KCNG4: variants seen among roughly 807,000 people sequenced by gnomAD.
The protein encoded by KCNG4 is potassium voltage-gated channel modifier subfamily G member 4.
A neutral mutation model predicts 28.2 loss-of-function variants in KCNG4; 30 were observed. The observed-to-expected ratio is 1.06, with a 90% CI of 0.80 to 1.44. The LOEUF is 1.44. Among genes scored for constraint, KCNG4 ranks in the 40% most tolerant of loss-of-function variants. The pLI, the probability that KCNG4 is intolerant of heterozygous loss-of-function variation, is 0.00. For missense variants in KCNG4, 879 were observed against 712.3 expected, an observed-to-expected ratio of 1.23 and a Z score of -2.66; for synonymous variants, 375 against 315.5, an observed-to-expected ratio of 1.19 and a Z score of -2.00.
chr16:84,222,443 A>G lies in KCNG4; in HGVS notation c.1334T>C (p.Ile445Thr). 1 of 1,614,092 alleles carries G rather than the reference A, an allele frequency of 6.2e-7. No homozygotes were observed. The highest frequency in any genetic ancestry group is 1.1e-5 in the South Asian group (1 of 91,076). Reference protein sequence around the residue: ...ALSSILSGILIMAFPATSIFH... With the variant: ...ALSSILSGILTMAFPATSIFH... ...GATAGACGTGGCCGGGAAGGCCATG[A>G]TGAGGATCCCGCTCAGGATGCTGCT... The change falls in exon 3 of 3, where the codon ATC becomes ACC. Residue 445 changes from isoleucine (I) to threonine (T), a missense_variant. Coordinates refer to ENST00000308251, the MANE Select transcript of KCNG4 (RefSeq NM_172347.3).
Position 84,228,169 on chromosome 16 carries a change from C to T in KCNG4, c.757-5149G>A, listed in dbSNP as rs147357127. Reference sequence around the variant, plus strand: ...TGCTGCCCTGGGGGCCCTGCAGATGCAATGCAGGCCAGTTCTGGAAGCTCC... The same window carrying T: ...TGCTGCCCTGGGGGCCCTGCAGATGTAATGCAGGCCAGTTCTGGAAGCTCC... On this transcript the variant is annotated intron_variant, in intron 2 of 2. Coordinates refer to ENST00000308251, the MANE Select transcript of KCNG4 (RefSeq NM_172347.3). Among the ~76,000 whole-genome samples the T allele has an allele frequency of 1.7e-3, 266 of 152,326 alleles. 3 individuals carry two copies. The highest frequency in any genetic ancestry group is 3.2e-3 in the Non-Finnish European group (215 of 68,028).
intron 2 of KCNG4, among the ~76,000 whole-genome samples, chr16:84,230,199 G>A (rs567846474): frequency 2.0e-5 from 3 of 152,186 alleles, no homozygotes; most frequent in Non-Finnish European, 4.4e-5. Context: ...GAGGTCAGGA[G>A]TTCGAAACCA....
At chr16:84,238,849 C>T (rs1055365676) in intron 1 of KCNG4, among the ~76,000 whole-genome samples, 1 of 151,950 alleles carries the variant, frequency 6.6e-6, no homozygotes, top group East Asian at 1.9e-4. Flanking sequence ...GCCTGGACAA[C>T]AGAGCGAGAC....
chr16:84,233,610 G>A (rs1904876346), intron 2 of KCNG4, among the ~76,000 whole-genome samples: 1 of 152,062 alleles, frequency 6.6e-6, no homozygotes, highest in Admixed American at 6.5e-5. Context: ...GGGTTGAGGT[G>A]GGAGGATCAC....
chr16:84,237,180 A>T lies in KCNG4; in HGVS notation c.306T>A (p.Asp102Glu), dbSNP rs1252144592. Reference protein sequence around the residue: ...RSYEEIVQLCDDYDEDSQEFF... With the variant: ...RSYEEIVQLCEDYDEDSQEFF... ...ACTCCTGGCTGTCCTCGTCGTAATC[A>T]TCGCAGAGCTGCACGATCTCCTCGT... The change falls in exon 2 of 3, where the codon GAT (aspartate) becomes GAA (glutamate). Residue 102 changes from aspartate to glutamate, a missense_variant. Coordinates refer to ENST00000308251, the MANE Select transcript of KCNG4 (RefSeq NM_172347.3). 6.2e-7 allele frequency: 1 copy of T among 1,614,062 alleles called. No homozygotes were observed. Among genetic ancestry groups the T allele is most frequent in the East Asian group, 2.2e-5 (1 of 44,894 alleles).
chr16:84,227,989 T>C (rs1904735083), intron 2 of KCNG4, among the ~76,000 whole-genome samples: 1 of 152,168 alleles, frequency 6.6e-6, no homozygotes, highest in Non-Finnish European at 1.5e-5. Flanking sequence ...TTGTGCACTT[T>C]AAAAGGGCCA....
intron 2 of KCNG4, chr16:84,235,410 G>C (rs1303302648): frequency 6.6e-6 from 1 of 152,154 alleles, no homozygotes; most frequent in Non-Finnish European, 1.5e-5. Context: ...TGAACAAGCA[G>C]GCTCTTAAAT....
In KCNG4 at chr16:84,222,711, C is replaced by G; in HGVS notation, c.1066G>C (p.Gly356Arg). The stretch of plus-strand genomic sequence containing the variant: ...ACGGTGAGCCCCAGCGTCTGCAGCC[C>G]CAGCGAGTGGCGAGCCAGGCGCATC... Reference protein sequence around the residue: ...YVMRLARHSLGLQTLGLTVRR... With the variant: ...YVMRLARHSLRLQTLGLTVRR... The change falls in exon 3 of 3, where the codon GGG (glycine) becomes CGG (arginine). Residue 356 changes from glycine to arginine, a missense_variant. Transcript: ENST00000308251. 1 of 1,613,276 alleles carries G rather than the reference C, an allele frequency of 6.2e-7. No homozygotes were observed. Among genetic ancestry groups the G allele is most frequent in the East Asian group, 2.2e-5 (1 of 44,836 alleles).
chr16:84,239,435 C>A (rs991236540), intron 1 of KCNG4, among the ~76,000 whole-genome samples: 1 of 152,216 alleles, frequency 6.6e-6, no homozygotes, highest in Non-Finnish European at 1.5e-5. Flanking sequence ...CACTCTGTCC[C>A]CCAGCCTGGG....
intron 1 of KCNG4, among the ~76,000 whole-genome samples, chr16:84,238,083 C>T (rs540130805): frequency 2.0e-5 from 3 of 152,150 alleles, no homozygotes; most frequent in Non-Finnish European, 4.4e-5. Context: ...GTGCCCACAT[C>T]GTAGGGCATG....
Position 84,239,919 on chromosome 16 carries a change from A to AT in KCNG4, c.-291dup, listed in dbSNP as rs57294981. Among the ~76,000 whole-genome samples the AT allele has an allele frequency of 4.9e-3, 725 of 148,716 alleles. 1 individual carries two copies. The highest frequency in any genetic ancestry group is 0.014 in the Middle Eastern group (4 of 286). Reference sequence around the variant, plus strand: ...GAGAGCCCTGGGGGATTGAGGTGGGATTTTTTTTTTTTTTTAAAGGACCCA... The same window carrying AT: ...GAGAGCCCTGGGGGATTGAGGTGGGATTTTTTTTTTTTTTTTAAAGGACCCA... On this transcript the variant is annotated 5_prime_UTR_variant, in exon 1 of 3. Coordinates refer to ENST00000308251, the MANE Select transcript of KCNG4 (RefSeq NM_172347.3).
At chr16:84,235,062 C>T (rs1009321024) in intron 2 of KCNG4, among the ~76,000 whole-genome samples, 2 of 152,174 alleles carry the variant, frequency 1.3e-5, no homozygotes, top group African/African-American at 4.8e-5. Context: ...ACGTGGCTGC[C>T]TGATCCTCGG....
chr16:84,235,673 A>T (rs780400972), intron 2 of KCNG4: 3 of 152,174 alleles, frequency 2.0e-5, no homozygotes, highest in Non-Finnish European at 4.4e-5. Context: ...TTGCCCTGGG[A>T]CATATCTTTA....
At chr16:84,225,921 T>C (rs1904685993) in intron 2 of KCNG4, among the ~76,000 whole-genome samples, 1 of 151,912 alleles carries the variant, frequency 6.6e-6, no homozygotes, top group Non-Finnish European at 1.5e-5. Flanking sequence ...GGGCAGGGGG[T>C]GTTTATGGAG....
At chr16:84,224,405 C>CACACACACACACAT (rs1904649612) in intron 2 of KCNG4, among the ~76,000 whole-genome samples, 1 of 80,528 alleles carries the variant, frequency 1.2e-5, no homozygotes, top group Non-Finnish European at 2.7e-5. Flanking sequence ...TACATATTTA[C>CACACACACACACAT]ACACACACAC....
chr16:84,224,509 T>C (rs1013288503), intron 2 of KCNG4, among the ~76,000 whole-genome samples: 1 of 152,118 alleles, frequency 6.6e-6, no homozygotes, highest in East Asian at 1.9e-4. Context: ...GGCAAGGTGT[T>C]GACAACCACA....
At position 84,222,988 on chromosome 16, in the gene KCNG4, GAAAATATA is replaced by G; in HGVS notation, c.781_788del (p.Tyr261HisfsTer51). Reference sequence around the variant, plus strand: ...AGGCCACGCAGATGGTCTCCACGATGAAAATATAGTAGCACTTCCGAGAGCATTCGCCC... The same window carrying G: ...AGGCCACGCAGATGGTCTCCACGATGGTAGCACTTCCGAGAGCATTCGCCC... On this transcript the variant is annotated frameshift_variant, in exon 3 of 3. Transcript: ENST00000308251. LOFTEE classifies it high-confidence loss of function. 1.3e-6 allele frequency: 2 copies of G among 1,543,222 alleles called. No homozygotes were observed. Among genetic ancestry groups the G allele is most frequent in the South Asian group, 2.5e-5 (2 of 80,104 alleles).
intron 2 of KCNG4, among the ~76,000 whole-genome samples, chr16:84,229,048 C>G (rs946601704): frequency 2.6e-5 from 4 of 152,150 alleles, no homozygotes; most frequent in Admixed American, 2.6e-4. Context: ...CCTGTAATCC[C>G]AGCACTTCGG....
intron 2 of KCNG4, among the ~76,000 whole-genome samples, chr16:84,234,306 G>A (rs1904892228): frequency 6.6e-6 from 1 of 152,146 alleles, no homozygotes; most frequent in Non-Finnish European, 1.5e-5. Context: ...CCAAGTAGCT[G>A]GGATTACAGG....
Sources: allele counts gnomAD v4.1 joint callset (sites outside exome capture counted in the v4.1 genomes callset), GRCh38; gene constraint gnomAD v4.1.1; transcripts MANE v1.5; gene names NCBI Gene and HGNC (gene_info 2026-07-23, HGNC 2026-07-21).